Variants in HIBCH observed in about 807,000 individuals in gnomAD.
HIBCH encodes 3-hydroxyisobutyryl-CoA hydrolase, mitochondrial.
A neutral mutation model predicts 58.2 loss-of-function variants in HIBCH; 50 were observed. That is an observed-to-expected ratio of 0.86 (90% CI 0.68 to 1.09). HIBCH has a LOEUF of 1.09. HIBCH is among the 50% of genes least tolerant of loss of function. The pLI is 0.00. For missense variants in HIBCH, 450 were observed against 449.7 expected, an observed-to-expected ratio of 1.00 and a Z score of -0.01; for synonymous variants, 151 against 146.9, an observed-to-expected ratio of 1.03 and a Z score of -0.20.
Position 190,290,425 on chromosome 2 carries a change from T to C in HIBCH, c.365A>G (p.Tyr122Cys), listed in dbSNP as rs121918329. ...CATACCAACAGCATTATTCAGCATA[T>C]ATTCTTCTCTGAAGAAAACTGGAGC... ...KIAPVFFREE[Y>C]MLNNAVGSCQ... Residue 122 changes from tyrosine (Y) to cysteine (C), a missense_variant, in exon 5 of 14, where the codon TAT becomes TGT. By Grantham distance (194) the Tyr-to-Cys change is radical. Coordinates refer to ENST00000359678, the MANE Select transcript of HIBCH (RefSeq NM_014362.4). The C allele has an allele frequency of 1.1e-5, 18 of 1,610,386 alleles. No individual in the cohort carries two copies. The Admixed American group carries it at 2.2e-4, about 19-fold the overall frequency.
rs1414797653 is a variant in HIBCH at position 190,204,182 on chromosome 2, A to G, written c.*935T>C. 6.6e-6 allele frequency: 1 copy of G among 152,106 alleles called. No individual in the cohort carries two copies. Among genetic ancestry groups the G allele is most frequent in the Non-Finnish European group, 1.5e-5 (1 of 67,940 alleles). 9.4% of individuals were successfully genotyped at this position (152,106 alleles called of 1,614,324 possible). A position where few individuals can be genotyped will look rare whatever the true frequency, so the allele number is the denominator to read the frequency against. ...AAAAAGTACTTACTTCATTAACAAT[A>G]TCAATTATTGAATATATCTTTTGAA... On this transcript the variant is annotated 3_prime_UTR_variant, in exon 14 of 14. Coordinates refer to ENST00000359678, the MANE Select transcript of HIBCH (RefSeq NM_014362.4).
At position 190,216,723 on chromosome 2, in the gene HIBCH, G is replaced by C. The variant is rs150414298; in HGVS notation, c.892-3648C>G. 7.5e-4 allele frequency among the ~76,000 whole-genome samples: 114 copies of C among 152,376 alleles called. No homozygotes were observed. Among genetic ancestry groups the C allele is most frequent in the African/African-American group, 2.7e-3 (112 of 41,588 alleles). ...CCAATAGAGGCAAAAGAGGATGCCA[G>C]TTTGCAATCCCTGAAGTAGAGAGAG... On this transcript the variant is annotated intron_variant, in intron 11 of 13. Transcript: ENST00000359678. This position sits in a 1 kb window ranked among gnomAD's most constrained non-coding sequence, Gnocchi z 4.2.
intron 11 of HIBCH, among the ~76,000 whole-genome samples, chr2:190,222,154 G>A (rs2105910691): frequency 6.6e-6 from 1 of 152,296 alleles, no homozygotes; most frequent in South Asian, 2.1e-4. Context: ...CTGCTGGGCT[G>A]CACAGAGTTT....
In HIBCH at chr2:190,319,633, A is replaced by G. The variant is rs1048488272; in HGVS notation, c.35+83T>C. The G allele has an allele frequency of 5.0e-6, 6 of 1,200,792 alleles. No individual in the cohort carries two copies. In the African/African-American group the frequency reaches 8.9e-5, roughly 18 times the overall value. The allele number at this position is 1,200,792 out of a possible 1,614,324, so 74.4% of individuals were successfully genotyped here. ...GAGCGCGACTCGAAACTTCGAGGCC[A>G]GCAGTCTCCACCCCCGGCCCTTTTC... On this transcript the variant is annotated intron_variant, in intron 1 of 13. Transcript: ENST00000359678.
intron 2 of HIBCH, among the ~76,000 whole-genome samples, chr2:190,298,744 T>C (rs916844865): frequency 6.6e-6 from 1 of 152,200 alleles, no homozygotes; most frequent in Non-Finnish European, 1.5e-5. Flanking sequence ...AGCTCTTTAG[T>C]TTGATTAGAT....
At chr2:190,212,235 A>G (rs902992476) in intron 12 of HIBCH, among the ~76,000 whole-genome samples, 2 of 152,204 alleles carry the variant, frequency 1.3e-5, no homozygotes, top group African/African-American at 2.4e-5. Context: ...TGGCTAACAG[A>G]GTTATTTCTA....
At chr2:190,245,162 T>C in intron 10 of HIBCH, 194 bp from the exon 11 acceptor site, 1 of 559,790 alleles carries the variant, frequency 1.8e-6, no homozygotes, top group South Asian at 2.2e-5. Context: ...TTCACTAACA[T>C]AAAATAAAAT....
intron 6 of HIBCH, among the ~76,000 whole-genome samples, chr2:190,270,711 TATTATG>T (rs1328742141): frequency 1.3e-5 from 2 of 152,210 alleles, no homozygotes; most frequent in African/African-American, 4.8e-5. Context: ...TAAAAGTTAC[TATTATG>T]ACTATTAAAT....
intron 7 of HIBCH, among the ~76,000 whole-genome samples, chr2:190,259,961 T>C (rs1488960911): frequency 6.6e-6 from 1 of 152,202 alleles, no homozygotes; most frequent in East Asian, 1.9e-4. Flanking sequence ...ACATCAAACT[T>C]AATTGGTAGA....
chr2:190,304,109 A>T lies in HIBCH; in HGVS notation c.78+6645T>A, dbSNP rs1260123491. ...ACTAAAAAGCATGACAAGTGAATGCAGTGTCATTGATTTCTGGAACAGAAT... is the reference window on the plus strand; with the variant it reads ...ACTAAAAAGCATGACAAGTGAATGCTGTGTCATTGATTTCTGGAACAGAAT... On this transcript the variant is annotated intron_variant, in intron 2 of 13. Coordinates refer to ENST00000359678, the MANE Select transcript of HIBCH (RefSeq NM_014362.4). The surrounding 1 kb of genome is among the most constrained non-coding windows in gnomAD (Gnocchi z 4.1). 6.6e-6 allele frequency among the ~76,000 whole-genome samples: 1 copy of T among 152,216 alleles called. No individual in the cohort carries two copies. The highest frequency in any genetic ancestry group is 1.5e-5 in the Non-Finnish European group (1 of 68,032).
rs1390028845 is a variant in HIBCH, at chr2:190,206,852, G to A, written c.1046-1620C>T. Among the ~76,000 whole-genome samples the A allele has an allele frequency of 1.3e-5, 2 of 152,162 alleles. No individual in the cohort carries two copies. Among genetic ancestry groups the A allele is most frequent in the South Asian group, 2.1e-4 (1 of 4,828 alleles). ...CATTAAAAAGTAGCATAGGCCAGGC[G>A]CGGTGGCTCAGGCCTATAATCCCAG... On this transcript the variant is annotated intron_variant, in intron 13 of 13. Transcript: ENST00000359678. This position sits in a 1 kb window ranked among gnomAD's most constrained non-coding sequence, Gnocchi z 5.1.
rs1478764212 is a variant in HIBCH at position 190,216,713 on chromosome 2, G to A, written c.892-3638C>T. On this transcript the variant is annotated intron_variant, in intron 11 of 13. Coordinates refer to ENST00000359678, the MANE Select transcript of HIBCH (RefSeq NM_014362.4). The surrounding 1 kb of genome is among the most constrained non-coding windows in gnomAD (Gnocchi z 4.2). ...ACTTAAAAACCCAATAGAGGCAAAA[G>A]AGGATGCCAGTTTGCAATCCCTGAA... 6.6e-6 allele frequency among the ~76,000 whole-genome samples: 1 copy of A among 152,248 alleles called. No homozygotes were observed. The highest frequency in any genetic ancestry group is 2.4e-5 in the African/African-American group (1 of 41,462).
intron 6 of HIBCH, among the ~76,000 whole-genome samples, chr2:190,261,562 T>C (rs1351779395): frequency 1.3e-5 from 2 of 151,990 alleles, no homozygotes; most frequent in Non-Finnish European, 2.9e-5. Flanking sequence ...ATGTATTTCT[T>C]ATATATGAAC....
At chr2:190,195,307 G>A (rs1032852280) in intron 1 of HIBCH, among the ~76,000 whole-genome samples, 1 of 152,174 alleles carries the variant, frequency 6.6e-6, no homozygotes, top group Non-Finnish European at 1.5e-5. Flanking sequence ...TTTTTGCATG[G>A]ATTTAAGCGT....
intron 6 of HIBCH, among the ~76,000 whole-genome samples, chr2:190,276,823 C>A (rs1225557492): frequency 6.6e-6 from 1 of 152,090 alleles, no homozygotes; most frequent in African/African-American, 2.4e-5. Flanking sequence ...GTAGATGGCA[C>A]CCATTTTTCT....
At chr2:190,316,662 TC>T (rs1303173366) in intron 1 of HIBCH, among the ~76,000 whole-genome samples, 1 of 152,086 alleles carries the variant, frequency 6.6e-6, no homozygotes, top group Admixed American at 6.6e-5. Flanking sequence ...AGTTCACCAG[TC>T]CCCCATGCTG....
downstream of HIBCH, chr2:190,200,229 T>A: frequency 9.2e-7 from 1 of 1,081,414 alleles, no homozygotes; most frequent in Non-Finnish European, 1.4e-6. Context: ...TGTGAAAAAG[T>A]ACAAATAACT....
rs28407355 is a variant in HIBCH, at chr2:190,290,556, T to C, written c.305-71A>G. 1,441 of 1,005,004 alleles carry C rather than the reference T, an allele frequency of 1.4e-3. 15 individuals carry two copies. The African/African-American group carries it at 0.021, about 15-fold the overall frequency. 62.3% of individuals were successfully genotyped at this position (1,005,004 alleles called of 1,614,324 possible). On this transcript the variant is annotated intron_variant, in intron 4 of 13. Transcript: ENST00000359678. Reference sequence around the variant, plus strand: ...AACATTGTCAACTAGATCAAAAGTATTATGAAAATTAAATACTGGGGGAAG... The same window carrying C: ...AACATTGTCAACTAGATCAAAAGTACTATGAAAATTAAATACTGGGGGAAG...
chr2:190,308,965 G>C (rs1211772015), intron 2 of HIBCH, among the ~76,000 whole-genome samples: 2 of 152,096 alleles, frequency 1.3e-5, no homozygotes, highest in East Asian at 3.9e-4. Flanking sequence ...ATGTTACTTA[G>C]CCTCCCTGTC....
Sources: gnomAD v4.1 joint callset for allele counts (sites outside exome capture counted in the v4.1 genomes callset) on GRCh38, gnomAD v4.1.1 for gene constraint, Gnocchi (gnomAD v3.1) non-coding constraint, MANE v1.5 for transcripts, NCBI Gene and HGNC (gene_info 2026-07-23, HGNC 2026-07-21) for gene names.